Variants in SOX6 observed in about 807,000 individuals in gnomAD.
SOX6 encodes transcription factor SOX-6.
Under a neutral mutation model 97.8 loss-of-function variants are expected in SOX6, and 11 were observed. The ratio of observed to expected loss-of-function variants is 0.11; its 90% CI spans 0.07 to 0.19. SOX6 has a LOEUF of 0.19. Among genes scored for constraint, SOX6 ranks in the 10% least tolerant of loss-of-function variants. The pLI, the probability that SOX6 is intolerant of heterozygous loss-of-function variation, is 1.00. For synonymous variants in SOX6, 360 were observed against 371.4 expected (o/e 0.97, Z 0.35); for missense variants, 810 against 1,039.5 (o/e 0.78, Z 3.04).
intron 3 of SOX6, among the ~76,000 whole-genome samples, chr11:16,658,501 G>T (rs1034413623): frequency 2.0e-5 from 3 of 152,130 alleles, no homozygotes; most frequent in Admixed American, 6.5e-5. Flanking sequence ...GAGGTCAGAA[G>T]ATCGAGACCA....
chr11:16,219,488 T>G (rs1852473610), intron 4 of SOX6, among the ~76,000 whole-genome samples: 1 of 152,076 alleles, frequency 6.6e-6, no homozygotes, highest in Admixed American at 6.6e-5. Flanking sequence ...TTCAGTATTT[T>G]AATGCAGACA....
At chr11:16,034,250 A>T (rs116849297) in intron 12 of SOX6, among the ~76,000 whole-genome samples, 4,866 of 152,278 alleles carry the variant, frequency 0.032, 119 homozygotes, top group Non-Finnish European at 0.051. Context: ...AACCTAGAAG[A>T]TATGAGAACT....
chr11:16,686,661 T>G (rs558289769), intron 3 of SOX6, among the ~76,000 whole-genome samples: 1 of 152,316 alleles, frequency 6.6e-6, no homozygotes, highest in East Asian at 1.9e-4. Context: ...CTTTCCCTCA[T>G]TTTCCTGTCT....
intron 4 of SOX6, among the ~76,000 whole-genome samples, chr11:16,535,907 T>A (rs1861301596): frequency 6.6e-6 from 1 of 152,224 alleles, no homozygotes; most frequent in Admixed American, 6.5e-5. Context: ...CAGGCATCTG[T>A]CAATATCTTC....
At chr11:16,247,536 C>A (rs1853375677) in intron 3 of SOX6, among the ~76,000 whole-genome samples, 1 of 152,044 alleles carries the variant, frequency 6.6e-6, no homozygotes. Context: ...ACAATCATGG[C>A]AGAAGGGAAA....
intron 4 of SOX6, among the ~76,000 whole-genome samples, chr11:16,583,636 T>TATATATATATATAC (rs1385821722): frequency 3.4e-5 from 3 of 87,098 alleles, no homozygotes; most frequent in African/African-American, 8.2e-5. Context: ...TATATATATA[T>TATATATATATATAC]ACACATACAC....
intron 9 of SOX6, among the ~76,000 whole-genome samples, chr11:16,058,495 G>A (rs928115634): frequency 6.6e-6 from 1 of 152,068 alleles, no homozygotes; most frequent in Non-Finnish European, 1.5e-5. Flanking sequence ...GTATGGGGTA[G>A]ACTTATTGAT....
intron 4 of SOX6, among the ~76,000 whole-genome samples, chr11:16,201,875 C>T (rs954359583): frequency 3.7e-5 from 5 of 135,126 alleles, no homozygotes; most frequent in African/African-American, 5.7e-5. Context: ...CCTCGTGATC[C>T]GCCCGCCTCG....
At chr11:16,355,785 C>G (rs547463880) in intron 1 of SOX6, among the ~76,000 whole-genome samples, 1 of 152,014 alleles carries the variant, frequency 6.6e-6, no homozygotes, top group South Asian at 2.1e-4. Flanking sequence ...TAATAGTACT[C>G]AGGACCTTAG....
intron 3 of SOX6, among the ~76,000 whole-genome samples, chr11:16,614,721 C>A (rs1354153161): frequency 6.6e-6 from 1 of 152,170 alleles, no homozygotes; most frequent in Non-Finnish European, 1.5e-5. Flanking sequence ...TCTGCAAGGC[C>A]ACACCGTAGG....
At chr11:16,439,921 T>G (rs939667603) in intron 1 of SOX6, among the ~76,000 whole-genome samples, 4 of 152,204 alleles carry the variant, frequency 2.6e-5, no homozygotes, top group Non-Finnish European at 5.9e-5. Context: ...ATACAACTGG[T>G]ATTTCTGAAG....
chr11:15,993,901 G>A (rs189525261), intron 13 of SOX6, among the ~76,000 whole-genome samples: 54 of 152,286 alleles, frequency 3.5e-4, no homozygotes, highest in African/African-American at 1.1e-3. Context: ...AGGCCCCTTC[G>A]TGGTTAAATT....
At chr11:16,120,987 A>G (rs1330030394) in intron 6 of SOX6, among the ~76,000 whole-genome samples, 1 of 152,110 alleles carries the variant, frequency 6.6e-6, no homozygotes, top group Non-Finnish European at 1.5e-5. Context: ...TCTGAGAGAA[A>G]TGTTAATAGC....
chr11:15,999,337 T>G (rs1036049182), intron 13 of SOX6, among the ~76,000 whole-genome samples: 1 of 152,248 alleles, frequency 6.6e-6, no homozygotes, highest in South Asian at 2.1e-4. Flanking sequence ...CTAATTAAAA[T>G]GCATATTTAC....
intron 9 of SOX6, among the ~76,000 whole-genome samples, chr11:16,076,898 C>T (rs1362038527): frequency 2.0e-5 from 3 of 151,414 alleles, no homozygotes; most frequent in Admixed American, 6.6e-5. Flanking sequence ...GGACTACAGG[C>T]GCCCGCCACC....
At chr11:16,011,167 T>G (rs374335087) in intron 13 of SOX6, among the ~76,000 whole-genome samples, 8 of 152,024 alleles carry the variant, frequency 5.3e-5, no homozygotes, top group African/African-American at 1.9e-4. Flanking sequence ...GGAAATGCCA[T>G]ACGAAAAGTC....
intron 3 of SOX6, among the ~76,000 whole-genome samples, chr11:16,660,871 C>T (rs1055341406): frequency 1.2e-4 from 19 of 152,196 alleles, no homozygotes; most frequent in African/African-American, 2.6e-4. Flanking sequence ...CCCAGAATTG[C>T]GAGAAATAAA....
chr11:16,155,296 A>G (rs944514239), intron 6 of SOX6, among the ~76,000 whole-genome samples: 5 of 152,096 alleles, frequency 3.3e-5, no homozygotes, highest in African/African-American at 1.2e-4. Context: ...GAGGTCTTCC[A>G]CTTATTAACT....
At chr11:16,049,525 C>T (rs557541888) in intron 11 of SOX6, among the ~76,000 whole-genome samples, 1 of 152,190 alleles carries the variant, frequency 6.6e-6, no homozygotes, top group Admixed American at 6.5e-5. Context: ...TTTGCTGGAT[C>T]GAACTCATTA....
Sources: gnomAD v4.1 joint callset for allele counts (sites outside exome capture counted in the v4.1 genomes callset) on GRCh38, gnomAD v4.1.1 for gene constraint, MANE v1.5 for transcripts, NCBI Gene and HGNC (gene_info 2026-07-23, HGNC 2026-07-21) for gene names.